DOK7: variants seen among roughly 807,000 people sequenced by gnomAD.
DOK7 encodes docking protein 7, also known as protein Dok-7.
DOK7 carries 32 observed loss-of-function variants against 30.7 expected under a neutral mutation model. The ratio of observed to expected loss-of-function variants is 1.04; its 90% CI spans 0.79 to 1.40. DOK7 has a LOEUF of 1.40. DOK7 is among the 40% of genes most tolerant of loss of function. DOK7 has a pLI of 0.00. For synonymous variants in DOK7, 447 were observed against 324.1 expected (o/e 1.38, Z -4.07); for missense variants, 1,007 against 699.2 (o/e 1.44, Z -4.97).
In DOK7 at chr4:3,492,960, G is replaced by A. The variant is rs750929473; in HGVS notation, c.974G>A (p.Arg325Gln). ...CCACCCCCCAAGCCGCTGCGTCCGCGGCAGCTGCAGGAGGTTGGCCGCCAG... is the reference window on the plus strand; with the variant it reads ...CCACCCCCCAAGCCGCTGCGTCCGCAGCAGCTGCAGGAGGTTGGCCGCCAG... ...SRPPPKPLRP[R>Q]QLQEVGRQSS... The change falls in exon 7 of 7, where the codon CGG becomes CAG. Residue 325 changes from arginine (R) to glutamine (Q), a missense_variant. Arg to Gln is a conservative substitution (Grantham distance 43). Coordinates refer to ENST00000340083, the MANE Select transcript of DOK7 (RefSeq NM_173660.5). 2.4e-5 allele frequency: 37 copies of A among 1,552,224 alleles called. No individual in the cohort carries two copies. Among genetic ancestry groups the A allele is most frequent in the East Asian group, 7.2e-5 (3 of 41,560 alleles).
intron 2 of DOK7, among the ~76,000 whole-genome samples, chr4:3,468,295 C>T (rs563941873): frequency 2.9e-4 from 44 of 150,692 alleles, no homozygotes; most frequent in East Asian, 2.0e-4. Flanking sequence ...TGTGTGTGCA[C>T]GTGTGCACAT....
At chr4:3,485,241 G>A (rs962657681) in intron 4 of DOK7, 2 of 327,150 alleles carry the variant, frequency 6.1e-6, no homozygotes. Flanking sequence ...GCAGGACCTA[G>A]GATGGGCGGG....
rs371276345 is a variant in DOK7, at chr4:3,493,300, G to A, written c.1314G>A (p.Thr438=). The change falls in exon 7 of 7, where the codon ACG becomes ACA. Residue 438 remains threonine, a synonymous_variant. Transcript: ENST00000340083. ...CGGCCAGGGACTCAGGCGGCCAGACGTCCGCCGGGTGTCCCTCTGGCTGGC... is the reference window on the plus strand; with the variant it reads ...CGGCCAGGGACTCAGGCGGCCAGACATCCGCCGGGTGTCCCTCTGGCTGGC... ...NSAARDSGGQ[T]SAGCPSGWLG... is the part of the protein sequence containing the mutation. 2.1e-5 allele frequency: 33 copies of A among 1,606,504 alleles called. No individual in the cohort carries two copies. Among genetic ancestry groups the A allele is most frequent in the Admixed American group, 6.7e-5 (4 of 59,376 alleles).
chr4:3,478,308 T>C (rs1037499554), intron 4 of DOK7, among the ~76,000 whole-genome samples: 1 of 152,172 alleles, frequency 6.6e-6, no homozygotes, highest in South Asian at 2.1e-4. Context: ...CCTGCCGAGG[T>C]GTGGGTGGCC....
chr4:3,476,168 CGCCCCG>C (rs766870025), intron 3 of DOK7, among the ~76,000 whole-genome samples, 168 bp from the exon 4 acceptor site: 87 of 140,504 alleles, frequency 6.2e-4, no homozygotes, highest in Non-Finnish European at 7.9e-4. Context: ...GATGCCCTCT[CGCCCCG>C]CCCACCCTCG....
At chr4:3,500,642 G>A in intron 7 of DOK7, 12 of 1,535,438 alleles carry the variant, frequency 7.8e-6, no homozygotes, top group Non-Finnish European at 1.0e-5. Flanking sequence ...AGGGTCACAG[G>A]GCTGGGTGGC....
chr4:3,494,462 A>AAAT lies in DOK7; in HGVS notation c.*964_*966dup, dbSNP rs1728782816. ...CCAGACACTGTTTGTAATAGACTGG[A>AAAT]AATAAAATGTTCTTTCCTTACCACC... On this transcript the variant is annotated 3_prime_UTR_variant, in exon 7 of 7. Coordinates refer to ENST00000340083, the MANE Select transcript of DOK7 (RefSeq NM_173660.5). 3 of 985,354 alleles carry AAAT rather than the reference A, an allele frequency of 3.0e-6. No individual in the cohort carries two copies. The highest frequency in any genetic ancestry group is 9.4e-5 in the South Asian group (2 of 21,292). 61.0% of individuals were successfully genotyped at this position (985,354 alleles called of 1,614,324 possible). A position where few individuals can be genotyped will look rare whatever the true frequency, so the allele number is the denominator to read the frequency against.
intron 1 of DOK7, 33 bp downstream of exon 1, chr4:3,463,462 G>GGGGGGGGGGGGGGGGGGGGGGGC: frequency 1.6e-6 from 2 of 1,215,604 alleles, no homozygotes; most frequent in South Asian, 1.6e-5. Context: ...GGGGGGGGGG[G>GGGGGGGGGGGGGGGGGGGGGGGC]CGCGGGCGCG....
chr4:3,471,917 C>T (rs535115313), intron 2 of DOK7, among the ~76,000 whole-genome samples: 5 of 152,380 alleles, frequency 3.3e-5, no homozygotes, highest in South Asian at 2.1e-4. Context: ...AACGCACTGT[C>T]GCCGCGCCCA....
intron 4 of DOK7, among the ~76,000 whole-genome samples, chr4:3,482,925 G>A (rs138724308): frequency 2.6e-4 from 40 of 152,288 alleles, no homozygotes; most frequent in African/African-American, 9.1e-4. Flanking sequence ...AACCCCAGAG[G>A]AGGCGTCCGT....
intron 4 of DOK7, among the ~76,000 whole-genome samples, chr4:3,482,757 C>T (rs1031624240): frequency 1.3e-4 from 20 of 152,196 alleles, no homozygotes; most frequent in Admixed American, 3.3e-4. Context: ...GGCAGGGGGG[C>T]GGTCAGCAGC....
At chr4:3,499,725 C>G (rs1455406523) in intron 6 of DOK7, among the ~76,000 whole-genome samples, 1 of 151,022 alleles carries the variant, frequency 6.6e-6, no homozygotes, top group East Asian at 1.9e-4. Context: ...GCAGAGGGAG[C>G]GTGGGCCTGT....
intron 6 of DOK7, 93 bp from the exon 7 acceptor site, chr4:3,492,666 A>T (rs1314962333): frequency 6.4e-7 from 1 of 1,553,164 alleles, no homozygotes. Context: ...GAGACCAGAG[A>T]GTGCTGGCCT....
exon 8 of DOK7, chr4:3,500,752 T>C: frequency 1.3e-6 from 2 of 1,527,964 alleles, no homozygotes; most frequent in African/African-American, 1.4e-5. Context: ...GCGCACAGAG[T>C]GGGGGTGCGG....
At chr4:3,479,214 A>G (rs1199066412) in intron 4 of DOK7, among the ~76,000 whole-genome samples, 1 of 152,116 alleles carries the variant, frequency 6.6e-6, no homozygotes, top group East Asian at 1.9e-4. Context: ...GTGCCACTCC[A>G]GTCCCTGCGC....
At chr4:3,471,829 T>G (rs1035098161) in intron 2 of DOK7, among the ~76,000 whole-genome samples, 3 of 152,240 alleles carry the variant, frequency 2.0e-5, no homozygotes, top group African/African-American at 7.2e-5. Flanking sequence ...GGGGCTTCTT[T>G]CTCAAATTGG....
At chr4:3,476,677 G>A (rs905198368) in intron 4 of DOK7, 135 bp downstream of exon 4, 8 of 1,155,182 alleles carry the variant, frequency 6.9e-6, no homozygotes, top group African/African-American at 1.5e-5. Flanking sequence ...GCAGGTGGAC[G>A]GAGTCTCCCC....
At chr4:3,479,186 C>G (rs1030898954) in intron 4 of DOK7, among the ~76,000 whole-genome samples, 1 of 152,244 alleles carries the variant, frequency 6.6e-6, no homozygotes, top group African/African-American at 2.4e-5. Context: ...GTGGCCCCGG[C>G]GGCCTCGGCT....
intron 6 of DOK7, among the ~76,000 whole-genome samples, chr4:3,491,285 C>T (rs563829795): frequency 3.2e-3 from 290 of 91,826 alleles, no homozygotes; most frequent in African/African-American, 0.012. Flanking sequence ...ATTCCTTCCT[C>T]CGCCCCCCCG....
Sources: gnomAD v4.1 joint callset for allele counts (sites outside exome capture counted in the v4.1 genomes callset) on GRCh38, gnomAD v4.1.1 for gene constraint, MANE v1.5 for transcripts, NCBI Gene and HGNC (gene_info 2026-07-23, HGNC 2026-07-21) for gene names.